Variants in PSD2 observed in about 807,000 individuals in gnomAD.
The protein encoded by PSD2 is PH and SEC7 domain-containing protein 2.
A neutral mutation model predicts 69.8 loss-of-function variants in PSD2; 38 were observed. That is an observed-to-expected ratio of 0.54 (90% confidence interval 0.42 to 0.71). The LOEUF (loss-of-function observed/expected upper bound fraction) is 0.71. PSD2 is among the 30% of genes least tolerant of loss of function. PSD2 has a pLI of 0.00. For missense variants in PSD2, 943 were observed against 1,014.5 expected (o/e 0.93, Z 0.96); for synonymous variants, 412 against 423.0 (o/e 0.97, Z 0.32).
In PSD2 at chr5:139,839,860, G is replaced by A. The variant is rs1416945231; in HGVS notation, c.1969-167G>A. Among the ~76,000 whole-genome samples the A allele has an allele frequency of 2.6e-5, 4 of 152,202 alleles. No individual in the cohort carries two copies. The highest frequency in any genetic ancestry group is 9.6e-5 in the African/African-American group (4 of 41,454). ...TGGGGGAGGAGGAAGGGAGGTGGGA[G>A]GAAGAGCATGCCCTCAGGTCCAGAG... is the stretch of plus-strand genomic sequence containing the variant. On this transcript the variant is annotated intron_variant, in intron 13 of 14. Coordinates refer to ENST00000274710, the MANE Select transcript of PSD2 (RefSeq NM_032289.4). The surrounding 1 kb of genome is among the most constrained non-coding windows in gnomAD (Gnocchi z 5.1).
At chr5:139,827,145 C>A (rs1278025817) in intron 7 of PSD2, among the ~76,000 whole-genome samples, 2 of 152,196 alleles carry the variant, frequency 1.3e-5, no homozygotes, top group African/African-American at 4.8e-5. Flanking sequence ...GAGGTGGGGT[C>A]ATTCTTCCCC....
the PSD2 span, among the ~76,000 whole-genome samples, chr5:139,748,907 T>TGGG: frequency 0.014 from 1,997 of 146,780 alleles, 24 homozygotes; most frequent in East Asian, 0.036. Flanking sequence ...TGGGGTATGT[T>TGGG]GGGGGGGGTG....
upstream of PSD2, among the ~76,000 whole-genome samples, chr5:139,792,892 TTCCTTCCTTCC>T (rs1759441970): frequency 6.9e-6 from 1 of 145,426 alleles, no homozygotes; most frequent in Non-Finnish European, 1.5e-5. Context: ...CCTTCCTTCC[TTCCTTCCTTCC>T]TTCCTTCTTT....
At chr5:139,758,485 T>C in the PSD2 span, among the ~76,000 whole-genome samples, 3 of 151,900 alleles carry the variant, frequency 2.0e-5, no homozygotes, top group African/African-American at 7.3e-5. Flanking sequence ...ATCTTGAAAG[T>C]AATCCTGAGG....
chr5:139,767,253 A>T, the PSD2 span, among the ~76,000 whole-genome samples: 1 of 151,556 alleles, frequency 6.6e-6, no homozygotes, highest in Non-Finnish European at 1.5e-5. Flanking sequence ...TCGGCCTCCC[A>T]AAGTGCTGGG....
At chr5:139,749,010 T>C in the PSD2 span, among the ~76,000 whole-genome samples, 1 of 152,046 alleles carries the variant, frequency 6.6e-6, no homozygotes, top group Non-Finnish European at 1.5e-5. Flanking sequence ...GGGCAGACAG[T>C]CCTTCCTTAA....
the PSD2 span, among the ~76,000 whole-genome samples, chr5:139,775,701 T>G: frequency 6.6e-6 from 1 of 152,100 alleles, no homozygotes; most frequent in Non-Finnish European, 1.5e-5. Flanking sequence ...GAGAGAGAGC[T>G]CTTATCGCCC....
intron 1 of PSD2, among the ~76,000 whole-genome samples, chr5:139,797,539 A>T (rs934859605): frequency 6.6e-6 from 1 of 152,246 alleles, no homozygotes; most frequent in Non-Finnish European, 1.5e-5. Context: ...ACGCTCCACA[A>T]GCAGACCTGA....
the PSD2 span, among the ~76,000 whole-genome samples, chr5:139,762,076 C>T: frequency 1.1e-4 from 17 of 152,096 alleles, no homozygotes; most frequent in African/African-American, 4.1e-4. Flanking sequence ...CGGAGTCTTG[C>T]TCTGTTGCCA....
chr5:139,774,162 A>G, the PSD2 span, among the ~76,000 whole-genome samples: 4 of 151,828 alleles, frequency 2.6e-5, no homozygotes, highest in Non-Finnish European at 5.9e-5. Context: ...TAATGATTAG[A>G]TTACACATTA....
the PSD2 span, among the ~76,000 whole-genome samples, chr5:139,754,415 T>C: frequency 3.3e-5 from 5 of 151,452 alleles, no homozygotes; most frequent in South Asian, 1.0e-3. Context: ...ATTAAAAAAT[T>C]AGCTGGGTGT....
At position 139,842,475 on chromosome 5, in the gene PSD2, C is replaced by G; in HGVS notation, c.*1C>G. 1 of 1,611,970 alleles carries G rather than the reference C, an allele frequency of 6.2e-7. No individual in the cohort carries two copies. The highest frequency in any genetic ancestry group is 1.3e-5 in the African/African-American group (1 of 75,012). On this transcript the variant is annotated 3_prime_UTR_variant, in exon 15 of 15. Coordinates refer to ENST00000274710, the MANE Select transcript of PSD2 (RefSeq NM_032289.4). ...GGATGCCACTGGGCCTGATACTTAGCTGACATGGATTTGCAGACCCCAGGG... is the reference window on the plus strand; with the variant it reads ...GGATGCCACTGGGCCTGATACTTAGGTGACATGGATTTGCAGACCCCAGGG...
Position 139,828,122 on chromosome 5 carries a change from G to C in PSD2, c.1269+5338G>C, listed in dbSNP as rs187669171. 3.7e-3 allele frequency among the ~76,000 whole-genome samples: 563 copies of C among 152,234 alleles called. 2 individuals carry two copies. The highest frequency in any genetic ancestry group is 0.013 in the African/African-American group (526 of 41,540). ...GGGGGATGTCAGAGAACGGTGATTC[G>C]CAAGCTCCAGCCATGAGAAAATGGC... On this transcript the variant is annotated intron_variant, in intron 7 of 14. Coordinates refer to ENST00000274710, the MANE Select transcript of PSD2 (RefSeq NM_032289.4).
At chr5:139,830,565 C>CCTTTCTTT (rs778306206) in intron 7 of PSD2, among the ~76,000 whole-genome samples, 18 of 120,360 alleles carry the variant, frequency 1.5e-4, no homozygotes, top group African/African-American at 4.4e-4. Flanking sequence ...TTCCTTCCTT[C>CCTTTCTTT]CTTTCTTTCT....
intron 7 of PSD2, among the ~76,000 whole-genome samples, chr5:139,825,282 C>T (rs747609201): frequency 2.6e-5 from 4 of 152,208 alleles, no homozygotes; most frequent in Non-Finnish European, 5.9e-5. Context: ...AGATCTAGGA[C>T]CACGCATTTC....
chr5:139,830,597 T>C (rs570844821), intron 7 of PSD2, among the ~76,000 whole-genome samples: 4 of 122,288 alleles, frequency 3.3e-5, no homozygotes, highest in African/African-American at 1.5e-4. Context: ...TTTCTTTTTC[T>C]TTCTTTCTTT....
intron 1 of PSD2, among the ~76,000 whole-genome samples, chr5:139,800,415 C>A (rs1759643148): frequency 6.6e-6 from 1 of 152,230 alleles, no homozygotes; most frequent in African/African-American, 2.4e-5. Context: ...CTAGATGATT[C>A]TTTCACACTT....
chr5:139,824,391 C>G (rs1032079899), intron 7 of PSD2, among the ~76,000 whole-genome samples: 2 of 133,660 alleles, frequency 1.5e-5, no homozygotes, highest in Non-Finnish European at 3.2e-5. Flanking sequence ...TCGTCTCTCT[C>G]TTGTTTTTTT....
At chr5:139,774,176 A>G in the PSD2 span, among the ~76,000 whole-genome samples, 2 of 152,002 alleles carry the variant, frequency 1.3e-5, no homozygotes, top group African/African-American at 4.8e-5. Flanking sequence ...CACATTAGGC[A>G]GGAAGCATGT....
Sources: gnomAD v4.1 joint callset for allele counts (sites outside exome capture counted in the v4.1 genomes callset) on GRCh38, gnomAD v4.1.1 for gene constraint, Gnocchi (gnomAD v3.1) non-coding constraint, MANE v1.5 for transcripts, NCBI Gene and HGNC (gene_info 2026-07-23, HGNC 2026-07-21) for gene names.